GPC5: variants seen among roughly 807,000 people sequenced by gnomAD.
GPC5 encodes glypican 5.
GPC5 carries 47 observed loss-of-function variants against 53.9 expected under a neutral mutation model. That is an observed-to-expected ratio of 0.87 (90% CI 0.69 to 1.11). The LOEUF (loss-of-function observed/expected upper bound fraction) is 1.11, where lower values mean the gene tolerates loss of function less well. Ranked by LOEUF, GPC5 falls within the 50% of genes most tolerant of loss-of-function variation. The probability of loss-of-function intolerance (pLI) is 0.00; values close to 1 mark genes in which losing one functional copy is unlikely to be tolerated. For synonymous variants in GPC5, 286 were observed against 263.3 expected (o/e 1.09, Z -0.84); for missense variants, 748 against 713.1 (o/e 1.05, Z -0.56).
chr13:91,898,627 G>T (rs903265264), intron 5 of GPC5, among the ~76,000 whole-genome samples: 12 of 151,822 alleles, frequency 7.9e-5, no homozygotes, highest in Non-Finnish European at 1.3e-4. Context: ...GGGACTAGAT[G>T]ACCTCTAAGA....
chr13:92,249,396 G>C (rs1168514812), intron 7 of GPC5, among the ~76,000 whole-genome samples: 1 of 152,100 alleles, frequency 6.6e-6, no homozygotes. Flanking sequence ...GTGAGTAACA[G>C]AGTGGTACCT....
chr13:92,063,356 A>G (rs1447167929), intron 6 of GPC5, among the ~76,000 whole-genome samples: 1 of 152,112 alleles, frequency 6.6e-6, no homozygotes, highest in African/African-American at 2.4e-5. Context: ...ATGGTGAAGT[A>G]TTTTTTGAAA....
chr13:91,870,537 C>G (rs996243865), intron 5 of GPC5, among the ~76,000 whole-genome samples: 7 of 152,160 alleles, frequency 4.6e-5, no homozygotes, highest in Non-Finnish European at 2.9e-5. Context: ...ATGACACTTA[C>G]AGTGCAGTTC....
At chr13:92,791,973 C>A (rs1227042263) in intron 7 of GPC5, among the ~76,000 whole-genome samples, 1 of 151,892 alleles carries the variant, frequency 6.6e-6, no homozygotes, top group Non-Finnish European at 1.5e-5. Flanking sequence ...AAATCAATAT[C>A]CTCATATATA....
intron 7 of GPC5, among the ~76,000 whole-genome samples, chr13:92,363,199 T>C (rs1227039109): frequency 6.6e-6 from 1 of 151,550 alleles, no homozygotes; most frequent in Non-Finnish European, 1.5e-5. Flanking sequence ...ATAAAACAAT[T>C]CCCACAGGGC....
At position 92,079,224 on chromosome 13, in the gene GPC5, G is replaced by C. The variant is rs536107839; in HGVS notation, c.1402-65606G>C. 8.1e-4 allele frequency among the ~76,000 whole-genome samples: 123 copies of C among 152,036 alleles called. 1 individual carries two copies. The Middle Eastern group carries it at 0.031, about 38-fold the overall frequency. On this transcript the variant is annotated intron_variant, in intron 6 of 7. Coordinates refer to ENST00000377067, the MANE Select transcript of GPC5 (RefSeq NM_004466.6). Reference sequence around the variant, plus strand: ...CCGCCACCATGCCAAGCTAATTTTTGTATTTTTAGTAGAGATGAGGTTTCA... The same window carrying C: ...CCGCCACCATGCCAAGCTAATTTTTCTATTTTTAGTAGAGATGAGGTTTCA...
At chr13:91,902,672 A>G (rs1307657055) in intron 5 of GPC5, among the ~76,000 whole-genome samples, 2 of 152,136 alleles carry the variant, frequency 1.3e-5, no homozygotes, top group African/African-American at 2.4e-5. Flanking sequence ...CCTTAAAAAG[A>G]AAAAGAAGGA....
chr13:91,498,337 G>A (rs956283655), intron 2 of GPC5, among the ~76,000 whole-genome samples: 1 of 150,024 alleles, frequency 6.7e-6, no homozygotes, highest in African/African-American at 2.5e-5. Context: ...TTGCCCCCAG[G>A]AAATTTTAAG....
chr13:92,086,884 C>T (rs2041340223), intron 6 of GPC5, among the ~76,000 whole-genome samples: 1 of 152,188 alleles, frequency 6.6e-6, no homozygotes, highest in Admixed American at 6.5e-5. Flanking sequence ...GTCTTGAACT[C>T]CTGACCTCAG....
At chr13:92,219,014 C>T (rs1236601906) in intron 7 of GPC5, among the ~76,000 whole-genome samples, 1 of 152,132 alleles carries the variant, frequency 6.6e-6, no homozygotes, top group Non-Finnish European at 1.5e-5. Context: ...AATGGATAAT[C>T]TTCTACTTTC....
intron 7 of GPC5, among the ~76,000 whole-genome samples, chr13:92,489,940 A>G (rs954374390): frequency 2.6e-5 from 4 of 152,104 alleles, no homozygotes; most frequent in African/African-American, 9.7e-5. Context: ...AGGATTTTAA[A>G]TGATTCTGTG....
chr13:92,266,282 G>A (rs1452490323), intron 7 of GPC5, among the ~76,000 whole-genome samples: 3 of 152,056 alleles, frequency 2.0e-5, no homozygotes, highest in Admixed American at 2.0e-4. Flanking sequence ...ACGGATTAGA[G>A]TTCACTTTAT....
intron 7 of GPC5, among the ~76,000 whole-genome samples, chr13:92,246,794 CAG>C (rs2042654334): frequency 6.6e-6 from 1 of 152,086 alleles, no homozygotes; most frequent in African/African-American, 2.4e-5. Context: ...CAGTTAGACA[CAG>C]TGTAATGTTT....
chr13:92,735,290 T>C (rs1206905446), intron 7 of GPC5, among the ~76,000 whole-genome samples: 1 of 151,972 alleles, frequency 6.6e-6, no homozygotes, highest in Non-Finnish European at 1.5e-5. Context: ...CTCCATTTCC[T>C]TCACCAAATA....
chr13:92,820,114 G>A (rs1456370785), intron 7 of GPC5, among the ~76,000 whole-genome samples: 1 of 152,016 alleles, frequency 6.6e-6, no homozygotes, highest in Admixed American at 6.6e-5. Context: ...AATTTTGAGA[G>A]ACAAACCAGC....
At chr13:92,598,584 T>C (rs1399138029) in intron 7 of GPC5, among the ~76,000 whole-genome samples, 1 of 152,202 alleles carries the variant, frequency 6.6e-6, no homozygotes, top group Non-Finnish European at 1.5e-5. Flanking sequence ...AAGGCAAGTT[T>C]AACATGAATT....
intron 7 of GPC5, among the ~76,000 whole-genome samples, chr13:92,147,142 A>C (rs1454656489): frequency 1.0e-5 from 1 of 100,058 alleles, no homozygotes; most frequent in African/African-American, 3.8e-5. Flanking sequence ...CAAATAGCAA[A>C]TTATAATTTA....
chr13:92,851,929 A>G (rs1455932577), intron 7 of GPC5, among the ~76,000 whole-genome samples: 1 of 151,636 alleles, frequency 6.6e-6, no homozygotes, highest in African/African-American at 2.4e-5. Flanking sequence ...AAGCCAAGAT[A>G]GCCACTCTGT....
intron 3 of GPC5, among the ~76,000 whole-genome samples, chr13:91,694,353 A>T (rs1312153081): frequency 6.6e-6 from 1 of 152,206 alleles, no homozygotes; most frequent in Non-Finnish European, 1.5e-5. Flanking sequence ...TTGGCTTTAA[A>T]ATGGAAAATG....
Sources: gnomAD v4.1 joint callset for allele counts (sites outside exome capture counted in the v4.1 genomes callset) on GRCh38, gnomAD v4.1.1 for gene constraint, MANE v1.5 for transcripts, NCBI Gene and HGNC (gene_info 2026-07-23, HGNC 2026-07-21) for gene names.